NRK: variants seen among roughly 807,000 people sequenced by gnomAD.
NRK encodes nik-related protein kinase.
NRK carries 67 observed loss-of-function variants against 125.2 expected under a neutral mutation model. The ratio of observed to expected loss-of-function variants is 0.54; its 90% confidence interval spans 0.44 to 0.66. The LOEUF (loss-of-function observed/expected upper bound fraction) is 0.66. Ranked by LOEUF, NRK falls within the 30% of genes least tolerant of loss-of-function variation. The probability of loss-of-function intolerance (pLI) is 0.00; values close to 1 mark genes in which losing one functional copy is unlikely to be tolerated. For synonymous variants in NRK, 458 were observed against 429.0 expected, an observed-to-expected ratio of 1.07 and a Z score of -0.84; for missense variants, 1,224 against 1,192.9, an observed-to-expected ratio of 1.03 and a Z score of -0.38.
At chrX:105,826,217 ATGTGATAATATAT>A (rs1569284566) in intron 1 of NRK, among the ~76,000 whole-genome samples, 2 of 89,847 alleles carry the variant, frequency 2.2e-5, no homozygotes, top group Non-Finnish European at 4.2e-5. Flanking sequence ...ATATAATAAT[ATGTGATAATATAT>A]TATCATATAT....
intron 25 of NRK, 45 bp downstream of exon 25, chrX:105,946,060 G>C: frequency 8.8e-7 from 1 of 1,139,721 alleles, no homozygotes. Flanking sequence ...GTCATACAAG[G>C]CTCTTATGAT....
chrX:105,937,310 A>T lies in NRK; in HGVS notation c.3656-129A>T, dbSNP rs777992340. The T allele has an allele frequency of 2.6e-5, 10 of 388,729 alleles. No homozygotes were observed. In the South Asian group the frequency reaches 6.7e-4, roughly 26 times the overall value. The allele number at this position is 388,729 out of a possible 1,213,427, so 32.0% of individuals were successfully genotyped here. ...AGATGCAATTATGAAAAATAATATG[A>T]GGTGAATATAGCCTAAACTGATAAG... is the stretch of plus-strand genomic sequence containing the variant. On this transcript the variant is annotated intron_variant, in intron 21 of 28. Transcript: ENST00000243300.
At chrX:105,923,732 T>A (rs184158295) in intron 18 of NRK, among the ~76,000 whole-genome samples, 1 of 107,708 alleles carries the variant, frequency 9.3e-6, no homozygotes, top group Admixed American at 1.0e-4. Context: ...ATTGTCTAGA[T>A]GCTTATGTTA....
intron 16 of NRK, among the ~76,000 whole-genome samples, chrX:105,921,618 A>G (rs899762925): frequency 9.2e-6 from 1 of 108,636 alleles, no homozygotes; most frequent in African/African-American, 3.4e-5. Context: ...AGTCCTTCCT[A>G]CTCTTGATAC....
chrX:105,874,255 A>C (rs2039785777), intron 2 of NRK, among the ~76,000 whole-genome samples: 2 of 111,919 alleles, frequency 1.8e-5, no homozygotes, highest in African/African-American at 6.5e-5. Context: ...ACTTACCTCT[A>C]TCTGAGCATG....
At position 105,915,817 on chromosome X, in the gene NRK, A is replaced by G; in HGVS notation, c.2417+20A>G. The G allele has an allele frequency of 2.2e-6, 2 of 893,015 alleles. No individual in the cohort carries two copies. The highest frequency in any genetic ancestry group is 3.2e-6 in the Non-Finnish European group (2 of 617,289). 73.6% of individuals were successfully genotyped at this position (893,015 alleles called of 1,213,427 possible). A position where few individuals can be genotyped will look rare whatever the true frequency, so the allele number is the denominator to read the frequency against. The stretch of plus-strand genomic sequence containing the variant: ...TTCAAGGTATGTGTCTTTGATTTCT[A>G]TATTAAAATTATTCATAATTATCAA... On this transcript the variant is annotated intron_variant, in intron 15 of 28. Coordinates refer to ENST00000243300, the MANE Select transcript of NRK (RefSeq NM_198465.4).
intron 28 of NRK, among the ~76,000 whole-genome samples, chrX:105,955,152 TAAAAG>T (rs1231869216): frequency 9.0e-6 from 1 of 111,584 alleles, no homozygotes; most frequent in Admixed American, 9.5e-5. Flanking sequence ...TTCCTTATAT[TAAAAG>T]AAAAGCCAAC....
chrX:105,861,308 A>G (rs6523856), intron 2 of NRK, among the ~76,000 whole-genome samples: 12,873 of 111,749 alleles, frequency 0.12, 1,810 homozygotes, highest in African/African-American at 0.4. Flanking sequence ...GTCAGTAGAA[A>G]TCCCTGATAA....
chrX:105,835,867 C>A (rs773588453), intron 2 of NRK, among the ~76,000 whole-genome samples: 1 of 111,476 alleles, frequency 9.0e-6, no homozygotes, highest in African/African-American at 3.3e-5. Context: ...GGGTTCTATA[C>A]TCTCATGCTA....
chrX:105,947,982 G>A (rs940400787), intron 26 of NRK, among the ~76,000 whole-genome samples: 9 of 111,819 alleles, frequency 8.0e-5, no homozygotes, highest in African/African-American at 2.6e-4. Context: ...ACCAATCTTA[G>A]CCAAAGCCAC....
intron 28 of NRK, 86 bp downstream of exon 28, chrX:105,953,259 T>G: frequency 4.2e-6 from 3 of 721,001 alleles, no homozygotes; most frequent in Non-Finnish European, 5.6e-6. Flanking sequence ...CTTTTCCTTC[T>G]GGCTATAAAT....
At position 105,881,767 on chromosome X, in the gene NRK, G is replaced by A. The variant is rs1295167640; in HGVS notation, c.240G>A (p.Gly80=). 3.6e-6 allele frequency: 4 copies of A among 1,120,887 alleles called. No homozygotes were observed. Among genetic ancestry groups the A allele is most frequent in the Non-Finnish European group, 4.8e-6 (4 of 830,428 alleles). 92.4% of individuals were successfully genotyped at this position (1,120,887 alleles called of 1,213,427 possible). A position where few individuals can be genotyped will look rare whatever the true frequency, so the allele number is the denominator to read the frequency against. The change falls in exon 4 of 29, where the codon GGG becomes GGA. Residue 80 remains glycine (G), a synonymous_variant. Coordinates refer to ENST00000243300, the MANE Select transcript of NRK (RefSeq NM_198465.4). ...VRVNKYQKSV[G]WRYSDEEEDL... Reference sequence around the variant, plus strand: ...TGAATAAATATCAAAAATCTGTTGGGTGGAGATACAGTGTGAGTACTAAAA... The same window carrying A: ...TGAATAAATATCAAAAATCTGTTGGATGGAGATACAGTGTGAGTACTAAAA...
intron 9 of NRK, among the ~76,000 whole-genome samples, chrX:105,901,732 T>A (rs747706710): frequency 8.9e-6 from 1 of 111,741 alleles, no homozygotes; most frequent in East Asian, 2.8e-4. Context: ...ATCATGTTGC[T>A]TCTTGCCTGT....
At chrX:105,865,223 G>A (rs145432767) in intron 2 of NRK, among the ~76,000 whole-genome samples, 2 of 111,115 alleles carry the variant, frequency 1.8e-5, no homozygotes, top group African/African-American at 3.3e-5. Context: ...TGGGGATAGT[G>A]GGGGAGTAAG....
At chrX:105,875,494 CCTT>C (rs2039802628) in intron 2 of NRK, among the ~76,000 whole-genome samples, 1 of 111,149 alleles carries the variant, frequency 9.0e-6, no homozygotes, top group African/African-American at 3.3e-5. Context: ...ATTAATGTGT[CCTT>C]CTCTTAGCTA....
intron 4 of NRK, among the ~76,000 whole-genome samples, chrX:105,887,853 G>A (rs2039967397): frequency 8.9e-6 from 1 of 112,066 alleles, no homozygotes; most frequent in Non-Finnish European, 1.9e-5. Context: ...CTTTTGGAGT[G>A]ATAAAAATGT....
chrX:105,937,702 T>C (rs895562129), intron 22 of NRK, 120 bp downstream of exon 22: 11 of 413,338 alleles, frequency 2.7e-5, no homozygotes, highest in Non-Finnish European at 4.1e-5. Context: ...TAACCTTTAA[T>C]TGGGACACCA....
At chrX:105,864,157 G>A (rs781267856) in intron 2 of NRK, among the ~76,000 whole-genome samples, 3 of 112,014 alleles carry the variant, frequency 2.7e-5, no homozygotes, top group African/African-American at 9.7e-5. Flanking sequence ...GTGTACACTT[G>A]TAAATCTTCA....
intron 2 of NRK, among the ~76,000 whole-genome samples, chrX:105,842,773 A>G (rs1302700601): frequency 1.8e-5 from 2 of 111,108 alleles, no homozygotes; most frequent in Non-Finnish European, 3.8e-5. Flanking sequence ...GGTGGATGGA[A>G]ACAGTAGGGG....
Sources: allele counts gnomAD v4.1 joint callset (sites outside exome capture counted in the v4.1 genomes callset), GRCh38; gene constraint gnomAD v4.1.1; transcripts MANE v1.5; gene names NCBI Gene and HGNC (gene_info 2026-07-23, HGNC 2026-07-21).